Variants in CNTN4 observed in about 807,000 individuals in gnomAD.
CNTN4 encodes contactin 4.
CNTN4 carries 77 observed loss-of-function variants against 122.5 expected under a neutral mutation model. The ratio of observed to expected loss-of-function variants is 0.63; its 90% CI spans 0.52 to 0.76. The LOEUF (loss-of-function observed/expected upper bound fraction) is 0.76, where lower values mean the gene tolerates loss of function less well. CNTN4 is among the 30% of genes least tolerant of loss of function. CNTN4 has a pLI of 0.00. For synonymous variants in CNTN4, 512 were observed against 447.0 expected (o/e 1.15, Z -1.83); for missense variants, 1,256 against 1,259.1 (o/e 1.00, Z 0.04).
In CNTN4 at chr3:2,439,224, C is replaced by A. The variant is rs547446425; in HGVS notation, c.-89+99991C>A. Among the ~76,000 whole-genome samples, 64 of 152,292 alleles carry A rather than the reference C, an allele frequency of 4.2e-4. No individual in the cohort carries two copies. The South Asian group carries it at 0.013, about 30-fold the overall frequency. ...TGGGCTCCTGACCAACAAATCCACA[C>A]CACCTGATAACTTGTAAGAAATGCA... On this transcript the variant is annotated intron_variant, in intron 3 of 24. Transcript: ENST00000418658.
chr3:2,998,595 G>T (rs1302882325), intron 14 of CNTN4, among the ~76,000 whole-genome samples: 1 of 152,064 alleles, frequency 6.6e-6, no homozygotes, highest in Non-Finnish European at 1.5e-5. Flanking sequence ...TAACTAAGAG[G>T]TAAAGGTGAC....
In CNTN4 at chr3:2,534,957, G is replaced by A. The variant is rs570022134; in HGVS notation, c.-88-36459G>A. 8.2e-4 allele frequency among the ~76,000 whole-genome samples: 124 copies of A among 151,816 alleles called. 2 individuals carry two copies. Among genetic ancestry groups the A allele is most frequent in the Non-Finnish European group, 1.4e-3 (96 of 67,906 alleles). Reference sequence around the variant, plus strand: ...GTTGAGGAGATGGGATTTTCATATCGCCTGTTCTATCTTTGCATGCAGTGT... The same window carrying A: ...GTTGAGGAGATGGGATTTTCATATCACCTGTTCTATCTTTGCATGCAGTGT... On this transcript the variant is annotated intron_variant, in intron 3 of 24. Transcript: ENST00000418658.
Position 2,502,397 on chromosome 3 carries a change from C to T in CNTN4, c.-88-69019C>T, listed in dbSNP as rs144120075. On this transcript the variant is annotated intron_variant, in intron 3 of 24. Transcript: ENST00000418658. ...TCTGCAGTATATTCAAATTCACTTG[C>T]AGCCCCCAGAGGTACTTTCTTGCAC... Among the ~76,000 whole-genome samples the T allele has an allele frequency of 6.6e-5, 10 of 152,188 alleles. No individual in the cohort carries two copies. The East Asian group carries it at 1.7e-3, about 27-fold the overall frequency.
intron 4 of CNTN4, among the ~76,000 whole-genome samples, chr3:2,681,512 G>T (rs746899573): frequency 2.0e-5 from 3 of 152,080 alleles, no homozygotes; most frequent in Non-Finnish European, 4.4e-5. Flanking sequence ...AAAACAAGTA[G>T]ATGCCACTCA....
chr3:2,917,134 C>A (rs892942521), intron 12 of CNTN4, among the ~76,000 whole-genome samples: 2 of 143,566 alleles, frequency 1.4e-5, no homozygotes, highest in Non-Finnish European at 3.0e-5. Flanking sequence ...ACCCCGTCTC[C>A]ACCAAAAAAT....
intron 3 of CNTN4, among the ~76,000 whole-genome samples, chr3:2,346,226 A>ATT (rs1262773004): frequency 6.6e-6 from 1 of 151,856 alleles, no homozygotes; most frequent in Non-Finnish European, 1.5e-5. Context: ...CACTGTTTTC[A>ATT]TTTTTAGTGT....
chr3:2,575,397 G>A (rs1559256674), intron 4 of CNTN4, among the ~76,000 whole-genome samples: 2 of 151,936 alleles, frequency 1.3e-5, no homozygotes, highest in Non-Finnish European at 2.9e-5. Flanking sequence ...TATAATGTCA[G>A]CTGCTCGGGA....
At chr3:2,577,299 C>G (rs138521073) in intron 4 of CNTN4, among the ~76,000 whole-genome samples, 5 of 152,286 alleles carry the variant, frequency 3.3e-5, no homozygotes, top group African/African-American at 1.2e-4. Context: ...GAAAAAACAG[C>G]TTTAACAGAG....
At chr3:2,872,113 A>G (rs1460330379) in intron 8 of CNTN4, among the ~76,000 whole-genome samples, 1 of 94,220 alleles carries the variant, frequency 1.1e-5, no homozygotes, top group Non-Finnish European at 2.1e-5. Context: ...GCTCTGTTAT[A>G]TGCTTCCTGC....
intron 6 of CNTN4, among the ~76,000 whole-genome samples, chr3:2,796,518 A>G (rs1355302021): frequency 6.6e-6 from 1 of 152,168 alleles, no homozygotes; most frequent in African/African-American, 2.4e-5. Context: ...AAGAGCTAGA[A>G]TCTAAAAATA....
chr3:2,329,725 T>G (rs2043636927), intron 2 of CNTN4, among the ~76,000 whole-genome samples: 1 of 118,820 alleles, frequency 8.4e-6, no homozygotes, highest in South Asian at 3.0e-4. Context: ...ACACTCTGCC[T>G]TATTGAGGCA....
intron 3 of CNTN4, among the ~76,000 whole-genome samples, chr3:2,367,962 G>GAACCTTCT (rs2045465585): frequency 6.6e-6 from 1 of 151,174 alleles, no homozygotes; most frequent in African/African-American, 2.4e-5. Context: ...ATTTAAGCAT[G>GAACCTTCT]AACCTTCTCA....
At chr3:2,287,712 GAA>G (rs2041980374) in intron 2 of CNTN4, among the ~76,000 whole-genome samples, 1 of 50,090 alleles carries the variant, frequency 2.0e-5, no homozygotes, top group Non-Finnish European at 4.1e-5. Flanking sequence ...AGAAGAAGAG[GAA>G]GAAGAAGAAG....
At chr3:2,840,593 G>A (rs7639855) in intron 7 of CNTN4, among the ~76,000 whole-genome samples, 183 of 94,376 alleles carry the variant, frequency 1.9e-3, no homozygotes, top group African/African-American at 5.7e-3. Context: ...CAGCTACTCG[G>A]GAGGCTGAGG....
At chr3:2,110,844 A>G (rs1269440314) in intron 2 of CNTN4, among the ~76,000 whole-genome samples, 1 of 152,114 alleles carries the variant, frequency 6.6e-6, no homozygotes, top group Non-Finnish European at 1.5e-5. Context: ...GTAAGATATC[A>G]CTATACCATA....
At chr3:2,982,535 G>A (rs538364911) in intron 13 of CNTN4, among the ~76,000 whole-genome samples, 2 of 152,190 alleles carry the variant, frequency 1.3e-5, no homozygotes, top group South Asian at 4.2e-4. Context: ...GCTTCCTTAA[G>A]GCATGCTTTC....
intron 7 of CNTN4, among the ~76,000 whole-genome samples, chr3:2,856,739 C>A (rs770237142): frequency 6.6e-6 from 1 of 152,154 alleles, no homozygotes; most frequent in South Asian, 2.1e-4. Context: ...TGCAACTCCT[C>A]GCTTGAGGGA....
At chr3:2,197,389 A>C (rs2037893636) in intron 2 of CNTN4, among the ~76,000 whole-genome samples, 1 of 152,238 alleles carries the variant, frequency 6.6e-6, no homozygotes, top group African/African-American at 2.4e-5. Flanking sequence ...AGAAGCAGGA[A>C]AGAATCCGTA....
At chr3:2,956,840 T>G (rs1334854807) in intron 13 of CNTN4, among the ~76,000 whole-genome samples, 1 of 152,192 alleles carries the variant, frequency 6.6e-6, no homozygotes, top group Non-Finnish European at 1.5e-5. Context: ...TACTTTCTGC[T>G]TCTACGAGCT....
Sources: allele counts gnomAD v4.1 joint callset (sites outside exome capture counted in the v4.1 genomes callset), GRCh38; gene constraint gnomAD v4.1.1; transcripts MANE v1.5; gene names NCBI Gene and HGNC (gene_info 2026-07-23, HGNC 2026-07-21).